The following PHIP variants were observed in gnomAD, a reference collection of about 807,000 sequenced individuals.
PHIP encodes PHIP subunit of CUL4-Ring ligase complex, also known as PH-interacting protein.
In PHIP, 54 loss-of-function variants were observed where a neutral mutation model predicts 236.8. That is an observed-to-expected ratio of 0.23 (90% CI 0.18 to 0.29). The LOEUF (loss-of-function observed/expected upper bound fraction) is 0.29. Ranked by LOEUF, PHIP falls within the 10% of genes least tolerant of loss-of-function variation. The probability of loss-of-function intolerance (pLI) is 1.00; values close to 1 mark genes in which losing one functional copy is unlikely to be tolerated. For missense variants in PHIP, 1,370 were observed against 2,190.8 expected, an observed-to-expected ratio of 0.63 and a Z score of 7.48; for synonymous variants, 756 against 718.9, an observed-to-expected ratio of 1.05 and a Z score of -0.83.
intron 6 of PHIP, among the ~76,000 whole-genome samples, chr6:79,057,437 G>C (rs888918591): frequency 6.6e-6 from 1 of 152,080 alleles, no homozygotes; most frequent in Admixed American, 6.6e-5. Flanking sequence ...TGGGGAAACT[G>C]CATGAGGGGT....
rs758153203 is a variant in PHIP, at chr6:78,970,845, G to A, written c.2933C>T (p.Ala978Val). Residue 978 changes from alanine to valine, a missense_variant, in exon 25 of 40, where the codon GCC becomes GTC. By Grantham distance (64) the Ala-to-Val change is moderately conservative. Coordinates refer to ENST00000275034, the MANE Select transcript of PHIP (RefSeq NM_017934.7). ...GATACTATATATTTTATTTTTCCGG[G>A]CCATTTCGACATAGGCTTCATGTCC... ...RQGHEAYVEM[A>V]RKNKIYSINP... The A allele has an allele frequency of 6.2e-7, 1 of 1,610,764 alleles. No homozygotes were observed. The highest frequency in any genetic ancestry group is 2.2e-5 in the East Asian group (1 of 44,674).
chr6:78,947,518 C>G, intron 36 of PHIP, 105 bp downstream of exon 36: 1 of 586,208 alleles, frequency 1.7e-6, no homozygotes, highest in Non-Finnish European at 3.0e-6. Context: ...AAGAATGTAA[C>G]AGAAAGTTAA....
At chr6:79,054,484 T>C (rs1347280758) in intron 6 of PHIP, among the ~76,000 whole-genome samples, 3 of 151,172 alleles carry the variant, frequency 2.0e-5, no homozygotes, top group Non-Finnish European at 4.4e-5. Context: ...TGAGTAGATA[T>C]CTAACTAGGA....
chr6:78,951,247 A>G (rs1172251036), intron 35 of PHIP, among the ~76,000 whole-genome samples: 1 of 152,184 alleles, frequency 6.6e-6, no homozygotes, highest in Non-Finnish European at 1.5e-5. Context: ...TTATTTATGT[A>G]GAATACTTAA....
At position 78,954,900 on chromosome 6, in the gene PHIP, T is replaced by C. The variant is rs750784972; in HGVS notation, c.3967A>G (p.Lys1323Glu). Residue 1323 changes from lysine (K) to glutamate (E), a missense_variant, in exon 35 of 40, where the codon AAA becomes GAA. Physicochemically the swap from Lys to Glu is moderately conservative, Grantham distance 56 (BLOSUM62 1). This residue lies in a region of PHIP where 125 missense variants were observed against 235.1 expected (regional missense o/e 0.53). Transcript: ENST00000275034. The stretch of plus-strand genomic sequence containing the variant: ...AGATTTAACAATTCTTCACACTGTT[T>C]CTTCCATGCTTGAATATCGTAAGAC... ...AQSYDIQAWK[K>E]QCEELLNLIF... 1.3e-5 allele frequency: 21 copies of C among 1,588,636 alleles called. No homozygotes were observed. Among genetic ancestry groups the C allele is most frequent in the Non-Finnish European group, 1.8e-5 (21 of 1,168,786 alleles).
At chr6:78,978,502 T>C in intron 24 of PHIP, 90 bp downstream of exon 24, 1 of 1,025,428 alleles carries the variant, frequency 9.8e-7, no homozygotes, top group Non-Finnish European at 1.4e-6. Flanking sequence ...ACAAAACTGC[T>C]TCTATTTTCC....
chr6:78,954,998 A>C, intron 34 of PHIP, 35 bp from the exon 35 acceptor site: 1 of 1,439,724 alleles, frequency 6.9e-7, no homozygotes. Flanking sequence ...TTAATAAAAG[A>C]GCACTTACAC....
chr6:79,026,206 T>C (rs1347148330), intron 7 of PHIP, 42 bp from the exon 8 acceptor site: 2 of 1,402,784 alleles, frequency 1.4e-6, no homozygotes, highest in Non-Finnish European at 2.0e-6. Flanking sequence ...ACCCCATAAA[T>C]TTTAATTCAA....
Position 79,016,638 on chromosome 6 carries a change from C to T in PHIP, c.1141G>A (p.Val381Ile). The T allele has an allele frequency of 1.2e-6, 2 of 1,601,290 alleles. No individual in the cohort carries two copies. The highest frequency in any genetic ancestry group is 1.7e-6 in the Non-Finnish European group (2 of 1,170,044). ...IQFSNTSNRFVSGSRDGTARI... is the reference protein window; with the variant it reads ...IQFSNTSNRFISGSRDGTARI... ...GCTGTCCCATCACGACTGCCACTTA[C>T]AAACCTGTATTAAAAGGAATCCGAT... is the stretch of plus-strand genomic sequence containing the variant. The change falls in exon 13 of 40, where the codon GTA becomes ATA. Residue 381 changes from valine to isoleucine, a missense_variant. This residue lies in a region of PHIP where 188 missense variants were observed against 354.3 expected (regional missense o/e 0.53). Coordinates refer to ENST00000275034, the MANE Select transcript of PHIP (RefSeq NM_017934.7).
intron 15 of PHIP, among the ~76,000 whole-genome samples, chr6:79,013,368 C>T (rs1471092815): frequency 1.3e-5 from 2 of 151,664 alleles, no homozygotes; most frequent in African/African-American, 4.8e-5. Context: ...TCTATGAATA[C>T]TATCCAATTC....
intron 6 of PHIP, among the ~76,000 whole-genome samples, chr6:79,058,650 T>C (rs952884898): frequency 1.3e-5 from 2 of 152,120 alleles, no homozygotes; most frequent in African/African-American, 2.4e-5. Flanking sequence ...ATAAGCATAA[T>C]AGTTCCTACC....
At chr6:78,954,592 C>T (rs958417214) in intron 35 of PHIP, among the ~76,000 whole-genome samples, 1 of 151,978 alleles carries the variant, frequency 6.6e-6, no homozygotes, top group African/African-American at 2.4e-5. Flanking sequence ...CTAGTAGGAA[C>T]AGAATAACCC....
intron 32 of PHIP, chr6:78,957,947 C>CTTGTTAATAT (rs1480079950): frequency 6.6e-6 from 1 of 152,016 alleles, no homozygotes; most frequent in Admixed American, 6.6e-5. Flanking sequence ...TATTTAAATA[C>CTTGTTAATAT]TTGTTAATAT....
intron 27 of PHIP, among the ~76,000 whole-genome samples, chr6:78,968,061 G>A (rs1274605908): frequency 6.6e-6 from 1 of 152,092 alleles, no homozygotes; most frequent in Non-Finnish European, 1.5e-5. Flanking sequence ...TGTGAACCTG[G>A]GAGGTGGAAC....
intron 7 of PHIP, among the ~76,000 whole-genome samples, chr6:79,037,329 T>C (rs1376377409): frequency 2.0e-5 from 3 of 152,182 alleles, no homozygotes; most frequent in Non-Finnish European, 4.4e-5. Context: ...ATCCAGGTCA[T>C]ATTATCTTTT....
At chr6:78,965,679 AC>A (rs766956106) in intron 29 of PHIP, 23 bp downstream of exon 29, 5 of 1,369,342 alleles carry the variant, frequency 3.7e-6, no homozygotes, top group Non-Finnish European at 5.1e-6. Flanking sequence ...TAATGGAGAA[AC>A]AAAAAGCCTA....
chr6:78,945,643 GA>G, intron 38 of PHIP, 146 bp from the exon 39 acceptor site: 1 of 642,952 alleles, frequency 1.6e-6, no homozygotes, highest in Non-Finnish European at 2.7e-6. Flanking sequence ...TTTCTAATAG[GA>G]AAAAGGCGTA....
At chr6:78,968,030 C>T (rs1193757811) in intron 27 of PHIP, among the ~76,000 whole-genome samples, 2 of 151,748 alleles carry the variant, frequency 1.3e-5, no homozygotes, top group Non-Finnish European at 2.9e-5. Context: ...CCCAGCTAAT[C>T]GGGAGGCTGA....
intron 7 of PHIP, among the ~76,000 whole-genome samples, chr6:79,031,091 C>T (rs1272078218): frequency 6.6e-6 from 1 of 151,962 alleles, no homozygotes; most frequent in African/African-American, 2.4e-5. Flanking sequence ...TTACAGGCGT[C>T]CGCCACCACA....
Sources: gnomAD v4.1 joint callset for allele counts (sites outside exome capture counted in the v4.1 genomes callset) on GRCh38, gnomAD v4.1.1 for gene constraint, gnomAD v4.1.1 regional missense constraint, MANE v1.5 for transcripts, NCBI Gene and HGNC (gene_info 2026-07-23, HGNC 2026-07-21) for gene names.